RUNDC3B: variants seen among roughly 807,000 people sequenced by gnomAD.
RUNDC3B encodes RUN domain-containing protein 3B.
Under a neutral mutation model 58.4 loss-of-function variants are expected in RUNDC3B, and 33 were observed. That is an observed-to-expected ratio of 0.56 (90% CI 0.43 to 0.75). The LOEUF (loss-of-function observed/expected upper bound fraction) is 0.75, where lower values mean the gene tolerates loss of function less well. Among genes scored for constraint, RUNDC3B ranks in the 30% least tolerant of loss-of-function variants. RUNDC3B has a pLI of 0.00. For synonymous variants in RUNDC3B, 193 were observed against 195.2 expected (o/e 0.99, Z 0.10); for missense variants, 501 against 535.7 (o/e 0.94, Z 0.64).
intron 9 of RUNDC3B, among the ~76,000 whole-genome samples, chr7:87,814,167 C>G (rs2130946901): frequency 6.8e-6 from 1 of 146,234 alleles, no homozygotes; most frequent in African/African-American, 2.5e-5. Context: ...GTGGCACGAT[C>G]TTGGCTCACT....
chr7:87,644,039 A>G (rs1822728806), intron 1 of RUNDC3B, among the ~76,000 whole-genome samples: 1 of 152,086 alleles, frequency 6.6e-6, no homozygotes. Context: ...TTATATTTTT[A>G]GTAGAGATGG....
At position 87,830,418 on chromosome 7, in the gene RUNDC3B, T is replaced by G. The variant is rs1472207731; in HGVS notation, c.*388T>G. Reference sequence around the variant, plus strand: ...AGACTCCAGAGACTTAAGCTAAGTATTTTTTCATTCTTTCAGATTTTCAAA... The same window carrying G: ...AGACTCCAGAGACTTAAGCTAAGTAGTTTTTCATTCTTTCAGATTTTCAAA... On this transcript the variant is annotated 3_prime_UTR_variant, in exon 11 of 11. Transcript: ENST00000394654. The G allele has an allele frequency of 3.9e-5, 6 of 152,164 alleles. No individual in the cohort carries two copies. Among genetic ancestry groups the G allele is most frequent in the Admixed American group, 1.3e-4 (2 of 15,134 alleles). The allele number at this position is 152,164 out of a possible 1,614,324, so 9.4% of individuals were successfully genotyped here.
intron 4 of RUNDC3B, among the ~76,000 whole-genome samples, chr7:87,735,366 C>T (rs1318321154): frequency 6.6e-6 from 1 of 152,178 alleles, no homozygotes; most frequent in Non-Finnish European, 1.5e-5. Context: ...GCCTCCTGAC[C>T]TTCCAGTTTG....
chr7:87,732,777 T>C (rs1293807434), intron 4 of RUNDC3B, among the ~76,000 whole-genome samples: 1 of 152,106 alleles, frequency 6.6e-6, no homozygotes, highest in East Asian at 1.9e-4. Flanking sequence ...GATGGTCACA[T>C]GGGGATGAAG....
In RUNDC3B at chr7:87,783,141, G is replaced by A. The variant is rs1460685759; in HGVS notation, c.956+5186G>A. Among the ~76,000 whole-genome samples the A allele has an allele frequency of 2.6e-5, 4 of 150,988 alleles. No individual in the cohort carries two copies. In the South Asian group the frequency reaches 8.3e-4, roughly 31 times the overall value. ...TATGAATCTGGGTGCTCCAATGTCA[G>A]TGTGTGTGTGTGTATGTGTGTGTGC... On this transcript the variant is annotated intron_variant, in intron 8 of 10. Transcript: ENST00000394654.
chr7:87,719,869 A>G (rs1269169380), intron 4 of RUNDC3B, among the ~76,000 whole-genome samples: 5 of 151,638 alleles, frequency 3.3e-5, no homozygotes, highest in Admixed American at 6.6e-5. Context: ...AAATCAAAAC[A>G]TTTCAGGATG....
intron 8 of RUNDC3B, among the ~76,000 whole-genome samples, chr7:87,781,863 G>C (rs1323004244): frequency 6.6e-6 from 1 of 151,928 alleles, no homozygotes; most frequent in Non-Finnish European, 1.5e-5. Context: ...AACTTTTAGA[G>C]GTGCTGCTAG....
At chr7:87,726,499 G>A (rs939217809) in intron 4 of RUNDC3B, among the ~76,000 whole-genome samples, 13 of 152,290 alleles carry the variant, frequency 8.5e-5, no homozygotes, top group Admixed American at 2.6e-4. Context: ...CTGTAGCATT[G>A]TAGTATAGTT....
intron 3 of RUNDC3B, among the ~76,000 whole-genome samples, chr7:87,702,558 C>T (rs891552704): frequency 4.6e-5 from 7 of 152,082 alleles, no homozygotes; most frequent in Admixed American, 2.0e-4. Context: ...GGATTACAGG[C>T]GTTGAGTCAC....
At chr7:87,710,924 C>G (rs1830016236) in intron 4 of RUNDC3B, among the ~76,000 whole-genome samples, 1 of 152,192 alleles carries the variant, frequency 6.6e-6, no homozygotes, top group African/African-American at 2.4e-5. Context: ...ACTCTTGAAG[C>G]TTCATTCTCC....
intron 9 of RUNDC3B, among the ~76,000 whole-genome samples, chr7:87,814,360 A>G (rs994073018): frequency 1.3e-5 from 2 of 152,278 alleles, no homozygotes; most frequent in African/African-American, 4.8e-5. Flanking sequence ...TTGGCCTCCC[A>G]AAGTGCTGGG....
chr7:87,778,876 T>A (rs199814011), intron 8 of RUNDC3B, among the ~76,000 whole-genome samples: 4 of 151,126 alleles, frequency 2.6e-5, no homozygotes, highest in African/African-American at 9.7e-5. Context: ...CTTAAAAAAA[T>A]AATTTAAATT....
rs1262724132 is a variant in RUNDC3B at position 87,829,998 on chromosome 7, G to C, written c.1339G>C (p.Glu447Gln). 6 of 1,607,974 alleles carry C rather than the reference G, an allele frequency of 3.7e-6. No homozygotes were observed. Among genetic ancestry groups the C allele is most frequent in the Non-Finnish European group, 8.5e-7 (1 of 1,177,196 alleles). The change falls in exon 11 of 11, where the codon GAG (glutamate) becomes CAG (glutamine). Residue 447 changes from glutamate (E) to glutamine (Q), a missense_variant. Glu to Gln is a conservative substitution (Grantham distance 29). Transcript: ENST00000394654. ...SNDYLASPTT[E>Q]MTSPGLTPS Reference sequence around the variant, plus strand: ...TGACTACCTTGCAAGTCCTACAACAGAGATGACAAGTCCAGGCCTAACTCC... The same window carrying C: ...TGACTACCTTGCAAGTCCTACAACACAGATGACAAGTCCAGGCCTAACTCC...
chr7:87,670,849 C>T (rs1463933512), intron 2 of RUNDC3B, among the ~76,000 whole-genome samples: 1 of 152,168 alleles, frequency 6.6e-6, no homozygotes, highest in East Asian at 1.9e-4. Flanking sequence ...TATGTTTCCT[C>T]ACAATTGCAG....
chr7:87,771,208 A>C (rs1834259583), intron 7 of RUNDC3B, among the ~76,000 whole-genome samples: 1 of 151,930 alleles, frequency 6.6e-6, no homozygotes, highest in Non-Finnish European at 1.5e-5. Flanking sequence ...TTACTTTTTT[A>C]CTGTATTTTC....
In RUNDC3B at chr7:87,715,331, ATAAT is replaced by A. The variant is rs562764545; in HGVS notation, c.458+4682_458+4685del. Among the ~76,000 whole-genome samples the A allele has an allele frequency of 4.8e-3, 587 of 121,628 alleles. 9 individuals carry two copies. The highest frequency in any genetic ancestry group is 0.019 in the African/African-American group (567 of 29,594). The allele number at this position is 121,628 out of a possible 152,430, so 79.8% of individuals were successfully genotyped here. A position where few individuals can be genotyped will look rare whatever the true frequency, so the allele number is the denominator to read the frequency against. On this transcript the variant is annotated intron_variant, in intron 4 of 10. Coordinates refer to ENST00000394654, the MANE Select transcript of RUNDC3B (RefSeq NM_001134405.2). ...TATAATTAATTTATAATAATTATAT[ATAAT>A]TAATTTATAATAATTATATATAATT...
intron 2 of RUNDC3B, among the ~76,000 whole-genome samples, chr7:87,662,465 G>A (rs1460930816): frequency 6.6e-6 from 1 of 152,056 alleles, no homozygotes; most frequent in African/African-American, 2.4e-5. Context: ...TCATTCTTCT[G>A]CATATGGATA....
intron 2 of RUNDC3B, among the ~76,000 whole-genome samples, chr7:87,697,792 A>G (rs1028639643): frequency 3.3e-5 from 5 of 152,208 alleles, no homozygotes; most frequent in African/African-American, 1.2e-4. Context: ...AATTTACAGA[A>G]GAGGCCCAGA....
At chr7:87,783,313 A>G (rs1835039050) in intron 8 of RUNDC3B, among the ~76,000 whole-genome samples, 1 of 152,098 alleles carries the variant, frequency 6.6e-6, no homozygotes, top group East Asian at 1.9e-4. Flanking sequence ...ATCCGATATA[A>G]GAATAGGACC....
Sources: gnomAD v4.1 joint callset for allele counts (sites outside exome capture counted in the v4.1 genomes callset) on GRCh38, gnomAD v4.1.1 for gene constraint, MANE v1.5 for transcripts, NCBI Gene and HGNC (gene_info 2026-07-23, HGNC 2026-07-21) for gene names.